Variants in OR2T27 observed in about 807,000 individuals in gnomAD.
The protein encoded by OR2T27 is olfactory receptor 2T27.
For missense variants in OR2T27, 152 were observed against 397.2 expected (o/e 0.38, Z 5.25); for synonymous variants, 51 against 152.9 (o/e 0.33, Z 4.92).
chr1:248,653,766 A>C (rs1194016038), intron 1 of OR2T27, among the ~76,000 whole-genome samples: 2 of 33,352 alleles, frequency 6.0e-5, no homozygotes, highest in African/African-American at 6.6e-5. Context: ...ATTTTTCATG[A>C]CCTTTTCTAT....
intron 1 of OR2T27, among the ~76,000 whole-genome samples, chr1:248,653,709 TTTGA>T (rs1661069883): frequency 1.1e-5 from 1 of 90,450 alleles, no homozygotes; most frequent in African/African-American, 2.8e-5. Flanking sequence ...ACAATATGGA[TTTGA>T]TTATGAAAAA....
chr1:248,655,196 A>C (rs1411707760), intron 1 of OR2T27, among the ~76,000 whole-genome samples: 1 of 39,238 alleles, frequency 2.5e-5, no homozygotes, highest in Non-Finnish European at 2.2e-4. Flanking sequence ...ACAGATCTGC[A>C]TAGAATTCAA....
At chr1:248,652,756 A>G (rs1466542085) in intron 1 of OR2T27, among the ~76,000 whole-genome samples, 2 of 128,608 alleles carry the variant, frequency 1.6e-5, no homozygotes, top group African/African-American at 5.3e-5. Flanking sequence ...TTTACTGATG[A>G]AACCCACATT....
At position 248,653,442 on chromosome 1, in the gene OR2T27, A is replaced by G. The variant is rs1661061680; in HGVS notation, c.-5+2002T>C. ...ACGTCCAGTTCTATGTATACCTAAT[A>G]ATTAGCACATCTTTCCCAGTCTTTA... On this transcript the variant is annotated intron_variant, in intron 1 of 1. Transcript: ENST00000460972. 2.1e-5 allele frequency among the ~76,000 whole-genome samples: 3 copies of G among 141,276 alleles called. No individual in the cohort carries two copies. In the Admixed American group the frequency reaches 2.2e-4, roughly 10 times the overall value. 92.7% of individuals were successfully genotyped at this position (141,276 alleles called of 152,430 possible).
At chr1:248,653,922 TCA>T (rs925527385) in intron 1 of OR2T27, among the ~76,000 whole-genome samples, 1 of 100,490 alleles carries the variant, frequency 1.0e-5, no homozygotes, top group African/African-American at 2.8e-5. Flanking sequence ...TTGAAATATT[TCA>T]GACATTTTCA....
In OR2T27 at chr1:248,650,165, G is replaced by T. The variant is rs201891917; in HGVS notation, c.720C>A (p.Thr240=). 1.4e-5 allele frequency: 22 copies of T among 1,565,830 alleles called. 1 individual carries two copies. Among genetic ancestry groups the T allele is most frequent in the Non-Finnish European group, 1.8e-5 (21 of 1,148,470 alleles). The part of the protein sequence containing the change: ...EAEGRGKAVA[T]CSSHMVVVSL... Reference sequence around the variant, plus strand: ...TGACAACCACCATGTGTGAGGAGCAGGTGGCCACAGCCTTTCCCCTCCCCT... The same window carrying T: ...TGACAACCACCATGTGTGAGGAGCATGTGGCCACAGCCTTTCCCCTCCCCT... The change falls in exon 2 of 2, where the codon ACC becomes ACA. Residue 240 remains threonine (T), a synonymous_variant. Coordinates refer to ENST00000460972, the MANE Select transcript of OR2T27 (RefSeq NM_001001824.2).
chr1:248,649,889 T>A lies in OR2T27; in HGVS notation c.*42A>T. 1.5e-6 allele frequency: 2 copies of A among 1,346,708 alleles called. No homozygotes were observed. The highest frequency in any genetic ancestry group is 2.1e-6 in the Non-Finnish European group (2 of 950,268). The allele number at this position is 1,346,708 out of a possible 1,614,324, so 83.4% of individuals were successfully genotyped here. ...AAATTCAAGGGCAATGATAAAGTCT[T>A]GTATCCTTCATTTCAAGTCTCTAGC... On this transcript the variant is annotated 3_prime_UTR_variant, in exon 2 of 2. Coordinates refer to ENST00000460972, the MANE Select transcript of OR2T27 (RefSeq NM_001001824.2).
At chr1:248,653,703 T>TA (rs1299237101) in intron 1 of OR2T27, among the ~76,000 whole-genome samples, 2 of 86,554 alleles carry the variant, frequency 2.3e-5, no homozygotes, top group Non-Finnish European at 5.8e-5. Flanking sequence ...AAACTCACAA[T>TA]ATGGATTTGA....
At position 248,649,999 on chromosome 1, in the gene OR2T27, C is replaced by T. The variant is rs778903661; in HGVS notation, c.886G>A (p.Asp296Asn). ...ACCTTCTGTAGGGCCCCTGTGACAT[C>T]CTTGTTCCTAAGGCTGTAAATGAGT... ...NPLIYSLRNK[D>N]VTGALQKVVG... The change falls in exon 2 of 2, where the codon GAT becomes AAT. Residue 296 changes from aspartate (D) to asparagine (N), a missense_variant. Coordinates refer to ENST00000460972, the MANE Select transcript of OR2T27 (RefSeq NM_001001824.2). 8.2e-6 allele frequency: 13 copies of T among 1,576,596 alleles called. 2 individuals are homozygous for T. Among genetic ancestry groups the T allele is most frequent in the East Asian group, 2.3e-5 (1 of 43,560 alleles).
intron 1 of OR2T27, among the ~76,000 whole-genome samples, chr1:248,652,160 T>C (rs74154522): frequency 0.17 from 17,943 of 107,034 alleles, no homozygotes; most frequent in African/African-American, 0.29. Flanking sequence ...CAAATTAGAA[T>C]TGAGCCAAAA....
chr1:248,653,885 T>TATGTAAAA (rs1661075430), intron 1 of OR2T27, among the ~76,000 whole-genome samples: 3 of 115,130 alleles, frequency 2.6e-5, no homozygotes, highest in Non-Finnish European at 6.0e-5. Context: ...CATGTAATTG[T>TATGTAAAA]AACTTTGATG....
chr1:248,652,512 G>A (rs543491699), intron 1 of OR2T27, among the ~76,000 whole-genome samples: 4 of 78,058 alleles, frequency 5.1e-5, no homozygotes, highest in African/African-American at 1.2e-4. Flanking sequence ...ATCTGTCTTC[G>A]AGCCTAGAAT....
rs745380734 is a variant in OR2T27, at chr1:248,649,918, A to G, written c.*13T>C. On this transcript the variant is annotated 3_prime_UTR_variant, in exon 2 of 2. Coordinates refer to ENST00000460972, the MANE Select transcript of OR2T27 (RefSeq NM_001001824.2). ...TCCTTCATTTCAAGTCTCTAGCAGC[A>G]TATGAAATTTCTTTAGAAAGTGGTT... 8.8e-6 allele frequency: 13 copies of G among 1,482,810 alleles called. No individual in the cohort carries two copies. The highest frequency in any genetic ancestry group is 1.2e-5 in the Non-Finnish European group (13 of 1,071,602). The allele number at this position is 1,482,810 out of a possible 1,614,324, so 91.9% of individuals were successfully genotyped here. A position where few individuals can be genotyped will look rare whatever the true frequency, so the allele number is the denominator to read the frequency against.
In OR2T27 at chr1:248,653,323, C is replaced by CA. The variant is rs557002448; in HGVS notation, c.-5+2120dup. Among the ~76,000 whole-genome samples, 95 of 33,270 alleles carry CA rather than the reference C, an allele frequency of 2.9e-3. 3 individuals are homozygous for CA. Among genetic ancestry groups the CA allele is most frequent in the African/African-American group, 3.1e-3 (94 of 30,052 alleles). 21.8% of individuals were successfully genotyped at this position (33,270 alleles called of 152,430 possible). ...GTATTTTAAGAGTTACCCAGTATAGCAACATTTAAGAATACTTGGAAAATA... is the reference window on the plus strand; with the variant it reads ...GTATTTTAAGAGTTACCCAGTATAGCAAACATTTAAGAATACTTGGAAAATA... On this transcript the variant is annotated intron_variant, in intron 1 of 1. Transcript: ENST00000460972.
At chr1:248,653,101 T>A (rs74447056) in intron 1 of OR2T27, among the ~76,000 whole-genome samples, 1,602 of 114,806 alleles carry the variant, frequency 0.014, 35 homozygotes, top group African/African-American at 0.041. Flanking sequence ...ATGAAAAAAT[T>A]GGTCCAAAAA....
rs751749706 is a variant in OR2T27, at chr1:248,649,986, G to GCC, written c.897_898dup (p.Ala300GlyfsTer16). 7 of 1,578,286 alleles carry GCC rather than the reference G, an allele frequency of 4.4e-6. 2 individuals are homozygous for GCC. The highest frequency in any genetic ancestry group is 3.4e-5 in the South Asian group (3 of 88,932). On this transcript the variant is annotated frameshift_variant, in exon 2 of 2. Coordinates refer to ENST00000460972, the MANE Select transcript of OR2T27 (RefSeq NM_001001824.2). LOFTEE classifies it low-confidence loss of function (END_TRUNC). ...ACACCTCCCCACAACCTTCTGTAGG[G>GCC]CCCCTGTGACATCCTTGTTCCTAAG...
In OR2T27 at chr1:248,649,964, C is replaced by G. The variant is rs149940838; in HGVS notation, c.921G>C (p.Arg307Ser). Residue 307 changes from arginine to serine, a missense_variant, in exon 2 of 2, where the codon AGG becomes AGC. Coordinates refer to ENST00000460972, the MANE Select transcript of OR2T27 (RefSeq NM_001001824.2). ...TGGTTACCTTTCCTGAGGACACACACCTCCCCACAACCTTCTGTAGGGCCC... is the reference window on the plus strand; with the variant it reads ...TGGTTACCTTTCCTGAGGACACACAGCTCCCCACAACCTTCTGTAGGGCCC... ...VTGALQKVVG[R>S]CVSSGKVTTF is the part of the protein sequence containing the mutation. The G allele has an allele frequency of 6.3e-6, 10 of 1,578,956 alleles. No individual in the cohort carries two copies. The highest frequency in any genetic ancestry group is 2.3e-5 in the East Asian group (1 of 43,540).
chr1:248,655,190 A>G (rs1202849026), intron 1 of OR2T27, among the ~76,000 whole-genome samples: 1 of 38,644 alleles, frequency 2.6e-5, no homozygotes, highest in African/African-American at 3.3e-5. Context: ...ATGCAGACAG[A>G]TCTGCATAGA....
rs757544306 is a variant in OR2T27, at chr1:248,650,168, G to A, written c.717C>T (p.Ala239=). Residue 239 remains alanine, a synonymous_variant, in exon 2 of 2, where the codon GCC becomes GCT. Transcript: ENST00000460972. ...SEAEGRGKAV[A]TCSSHMVVVS... ...CAACCACCATGTGTGAGGAGCAGGT[G>A]GCCACAGCCTTTCCCCTCCCCTCTG... 15 of 1,566,152 alleles carry A rather than the reference G, an allele frequency of 9.6e-6. 2 individuals carry two copies. Among genetic ancestry groups the A allele is most frequent in the African/African-American group, 2.8e-5 (2 of 71,854 alleles).
Sources: gnomAD v4.1 joint callset for allele counts (sites outside exome capture counted in the v4.1 genomes callset) on GRCh38, gnomAD v4.1.1 for gene constraint, MANE v1.5 for transcripts, NCBI Gene and HGNC (gene_info 2026-07-23, HGNC 2026-07-21) for gene names.